The following NTRK1 variants were observed in gnomAD, a reference collection of about 807,000 sequenced individuals.
NTRK1 encodes the protein high affinity nerve growth factor receptor.
In NTRK1, 62 loss-of-function variants were observed where a neutral mutation model predicts 86.8. The observed-to-expected ratio is 0.71, with a 90% CI of 0.58 to 0.88. The LOEUF is 0.88. NTRK1 is among the 40% of genes least tolerant of loss of function. NTRK1 has a pLI of 0.00. For synonymous variants in NTRK1, 469 were observed against 456.6 expected (o/e 1.03, Z -0.35); for missense variants, 967 against 1,078.4 (o/e 0.90, Z 1.45).
intron 12 of NTRK1, 99 bp from the exon 13 acceptor site, chr1:156,875,981 G>A (rs2102916562): frequency 1.9e-6 from 3 of 1,578,992 alleles, no homozygotes; most frequent in South Asian, 2.2e-5. Context: ...CCTCGTCTGG[G>A]CAGCCTTGTG....
intron 1 of NTRK1, among the ~76,000 whole-genome samples, chr1:156,823,435 G>A (rs570445258): frequency 1.1e-4 from 16 of 152,270 alleles, no homozygotes; most frequent in African/African-American, 2.2e-4. Flanking sequence ...CCCTGTGATC[G>A]CGAGCCTGTT....
upstream of NTRK1, among the ~76,000 whole-genome samples, chr1:156,858,286 T>C (rs1414887271): frequency 6.6e-6 from 1 of 152,206 alleles, no homozygotes; most frequent in Non-Finnish European, 1.5e-5. Context: ...ACAGTTTCAC[T>C]AGTAGGGACG....
chr1:156,851,306 C>G (rs764924099), intron 2 of NTRK1: 1 of 1,614,052 alleles, frequency 6.2e-7, no homozygotes, highest in African/African-American at 1.3e-5. Context: ...ACCATGGCGT[C>G]TCCCCGGATT....
chr1:156,848,399 A>C (rs1655084695), intron 2 of NTRK1, among the ~76,000 whole-genome samples: 1 of 152,186 alleles, frequency 6.6e-6, no homozygotes, highest in African/African-American at 2.4e-5. Flanking sequence ...TTGATTCCTA[A>C]CCGTGTTTTT....
intron 1 of NTRK1, among the ~76,000 whole-genome samples, chr1:156,830,775 G>A (rs1161298448): frequency 3.3e-5 from 5 of 152,114 alleles, no homozygotes; most frequent in South Asian, 2.1e-4. Context: ...GGCTGGTCTC[G>A]AACTCCTGAC....
intron 1 of NTRK1, among the ~76,000 whole-genome samples, chr1:156,823,787 T>C (rs72698637): frequency 0.042 from 6,373 of 152,242 alleles, 189 homozygotes; most frequent in African/African-American, 0.068. Context: ...CCAAGTCCAC[T>C]ATGTTGATCA....
At chr1:156,818,776 A>C (rs1486045817) in intron 1 of NTRK1, among the ~76,000 whole-genome samples, 1 of 152,216 alleles carries the variant, frequency 6.6e-6, no homozygotes, top group Non-Finnish European at 1.5e-5. Context: ...CTGTGCTGCT[A>C]TAAACATGCG....
Position 156,868,561 on chromosome 1 carries a change from GTGC to G in NTRK1, c.638_640del (p.Leu213del). The G allele has an allele frequency of 6.4e-7, 1 of 1,555,856 alleles. No individual in the cohort carries two copies. ...TGCCTCGGTGGATGTGGGGGACGAC[GTGC>G]TGCTGCGGTGCCAGGTGGAGGGGCG... On this transcript the variant is annotated inframe_deletion, in exon 6 of 17. Coordinates refer to ENST00000524377, the MANE Select transcript of NTRK1 (RefSeq NM_002529.4).
At chr1:156,841,673 C>T (rs761696263) in intron 1 of NTRK1, 17 of 1,613,968 alleles carry the variant, frequency 1.1e-5, no homozygotes, top group Middle Eastern at 1.7e-4. Context: ...ACCAGACATC[C>T]GAGTGGGTGG....
upstream of NTRK1, among the ~76,000 whole-genome samples, chr1:156,860,426 T>C (rs10908523): frequency 0.094 from 14,274 of 152,266 alleles, 1,339 homozygotes; most frequent in African/African-American, 0.25. Context: ...GTTCGGAGAA[T>C]GTTCTACCTA....
At chr1:156,858,681 G>T, upstream of NTRK1, 3 of 1,424,064 alleles carry the variant, frequency 2.1e-6, no homozygotes, top group Non-Finnish European at 2.0e-6. Flanking sequence ...TGGGGAGAAC[G>T]GTGTGATAAG....
At chr1:156,842,427 G>A (rs762087313) in intron 2 of NTRK1, 2 of 1,613,974 alleles carry the variant, frequency 1.2e-6, no homozygotes, top group Non-Finnish European at 1.7e-6. Context: ...GATCGAAGAT[G>A]GCTCTTGAGG....
At chr1:156,855,918 C>A (rs960827016), upstream of NTRK1, among the ~76,000 whole-genome samples, 1 of 149,374 alleles carries the variant, frequency 6.7e-6, no homozygotes, top group Non-Finnish European at 1.5e-5. Context: ...GACTAATGTG[C>A]GTGTGTGTGT....
intron 1 of NTRK1, among the ~76,000 whole-genome samples, chr1:156,826,389 C>T (rs1223878563): frequency 7.0e-6 from 1 of 143,360 alleles, no homozygotes; most frequent in Non-Finnish European, 1.5e-5. Flanking sequence ...CAAGCTCTGC[C>T]TCCCGGGTTC....
intron 6 of NTRK1, among the ~76,000 whole-genome samples, chr1:156,869,020 CT>C (rs996214549): frequency 2.0e-4 from 3 of 14,924 alleles, no homozygotes; most frequent in Non-Finnish European, 4.9e-4. Flanking sequence ...TTCTCTCTCC[CT>C]TCCTTCCTTC....
rs376394875 is a variant in NTRK1, at chr1:156,816,639, C to T, written c.-64+801C>T. 1.9e-5 allele frequency: 31 copies of T among 1,589,934 alleles called. No individual in the cohort carries two copies. The South Asian group carries it at 3.2e-4, about 16-fold the overall frequency. ...GGGCAGGGGGATGGGGGTCTTTGTGCCCCCTCCCACCCATATCCTTCAACT... is the reference window on the plus strand; with the variant it reads ...GGGCAGGGGGATGGGGGTCTTTGTGTCCCCTCCCACCCATATCCTTCAACT... On this transcript the variant is annotated intron_variant, in intron 1 of 16. Coordinates refer to the NTRK1 transcript ENST00000392302.
At chr1:156,843,098 G>C (rs1357633236) in intron 2 of NTRK1, 2 of 1,614,120 alleles carry the variant, frequency 1.2e-6, no homozygotes, top group East Asian at 4.5e-5. Flanking sequence ...CGTCTTCAGG[G>C]CCACGGGTGT....
At chr1:156,845,987 T>C in intron 2 of NTRK1, 1 of 1,613,464 alleles carries the variant, frequency 6.2e-7, no homozygotes. Context: ...GAGGTCGCCG[T>C]CCTCTGCCAG....
At position 156,832,573 on chromosome 1, in the gene NTRK1, G is replaced by A. The variant is rs921109918; in HGVS notation, c.-63-9508G>A. ...GGAGGAGAGTGGAGGATGCTGAGTC[G>A]CAGGAGCAAAGTGAATGAGGGCATG... On this transcript the variant is annotated intron_variant, in intron 1 of 16. Coordinates refer to the NTRK1 transcript ENST00000392302. Among the ~76,000 whole-genome samples, 6 of 152,094 alleles carry A rather than the reference G, an allele frequency of 3.9e-5. No homozygotes were observed. The East Asian group carries it at 5.8e-4, about 15-fold the overall frequency.
Sources: allele counts gnomAD v4.1 joint callset (sites outside exome capture counted in the v4.1 genomes callset), GRCh38; gene constraint gnomAD v4.1.1; transcripts MANE v1.5; gene names NCBI Gene and HGNC (gene_info 2026-07-23, HGNC 2026-07-21).